Variants in NOTCH2 observed in about 807,000 individuals in gnomAD.
The protein encoded by NOTCH2 is neurogenic locus notch homolog protein 2.
In NOTCH2, 29 loss-of-function variants were observed where a neutral mutation model predicts 235.8. That is an observed-to-expected ratio of 0.12 (90% CI 0.09 to 0.17). The LOEUF is 0.17. Ranked by LOEUF, NOTCH2 falls within the 10% of genes least tolerant of loss-of-function variation. The pLI, the probability that NOTCH2 is intolerant of heterozygous loss-of-function variation, is 1.00. For missense variants in NOTCH2, 2,285 were observed against 3,150.2 expected (o/e 0.73, Z 6.57); for synonymous variants, 1,086 against 1,141.5 (o/e 0.95, Z 0.98).
intron 3 of NOTCH2, among the ~76,000 whole-genome samples, chr1:119,999,839 G>A (rs1468450117): frequency 1.6e-4 from 24 of 150,950 alleles, no homozygotes; most frequent in Admixed American, 3.3e-4. Context: ...CCGAGACTGC[G>A]CCACTGTACT....
intron 23 of NOTCH2, among the ~76,000 whole-genome samples, chr1:119,927,876 C>G (rs1056727197): frequency 6.6e-6 from 1 of 152,086 alleles, no homozygotes; most frequent in African/African-American, 2.4e-5. Context: ...CCATTCTTTA[C>G]AAAATTCCAA....
At chr1:119,921,628 CAGGACACTCTGGAGCTAA>C (rs1649287059) in intron 29 of NOTCH2, 67 bp downstream of exon 29, 3 of 1,105,230 alleles carry the variant, frequency 2.7e-6, no homozygotes, top group Non-Finnish European at 4.2e-6. Flanking sequence ...TACTCCCATT[CAGGACACTCTGGAGCTAA>C]AGGACAGAAA....
intron 33 of NOTCH2, 146 bp from the exon 34 acceptor site, chr1:119,916,840 G>T: frequency 1.2e-6 from 1 of 819,360 alleles, no homozygotes. Flanking sequence ...GATAGGCTGT[G>T]CCTCTACCAA....
At chr1:119,978,528 A>G (rs1261170903) in intron 5 of NOTCH2, among the ~76,000 whole-genome samples, 1 of 152,210 alleles carries the variant, frequency 6.6e-6, no homozygotes, top group Admixed American at 6.5e-5. Flanking sequence ...ATTGGCCACT[A>G]TAGCAATGAG....
In NOTCH2 at chr1:119,916,698, C is replaced by G. The variant is rs372465730; in HGVS notation, c.6028-4G>C. ...CAAGAAACAGAGGTGTCTCTTCCTACAGAAAAGGCCCATCACAGAACACAT... is the reference window on the plus strand; with the variant it reads ...CAAGAAACAGAGGTGTCTCTTCCTAGAGAAAAGGCCCATCACAGAACACAT... On this transcript the variant is annotated splice_polypyrimidine_tract_variant and splice_region_variant and intron_variant, in intron 33 of 33. Transcript: ENST00000256646. The G allele has an allele frequency of 6.2e-7, 1 of 1,613,954 alleles. No individual in the cohort carries two copies. Among genetic ancestry groups the G allele is most frequent in the Non-Finnish European group, 8.5e-7 (1 of 1,179,994 alleles).
intron 5 of NOTCH2, among the ~76,000 whole-genome samples, chr1:119,986,023 A>G (rs1652007064): frequency 6.6e-6 from 1 of 152,208 alleles, no homozygotes; most frequent in Non-Finnish European, 1.5e-5. Flanking sequence ...CTACAGCTCT[A>G]AAGAGTATTG....
Position 119,915,711 on chromosome 1 carries a change from G to A in NOTCH2, c.7011C>T (p.Pro2337=), listed in dbSNP as rs1649040784. Residue 2337 remains proline (P), a synonymous_variant, in exon 34 of 34, where the codon CCC becomes CCT. Coordinates refer to ENST00000256646, the MANE Select transcript of NOTCH2 (RefSeq NM_024408.4). ...CCATTTCTGGAATCTGGTACATGGTGGGCAGGGGGCCCGCAACAGCTGGAG... is the reference window on the plus strand; with the variant it reads ...CCATTTCTGGAATCTGGTACATGGTAGGCAGGGGGCCCGCAACAGCTGGAG... ...TCPPAVAGPL[P]TMYQIPEMAR... 1 of 1,609,860 alleles carries A rather than the reference G, an allele frequency of 6.2e-7. No homozygotes were observed.
intron 5 of NOTCH2, among the ~76,000 whole-genome samples, chr1:119,980,858 T>C (rs1280649582): frequency 6.6e-6 from 1 of 152,194 alleles, no homozygotes; most frequent in Non-Finnish European, 1.5e-5. Context: ...CTTCTAAGGC[T>C]GTACCCTTTA....
Position 119,914,600 on chromosome 1 carries a change from T to C in NOTCH2, c.*706A>G, listed in dbSNP as rs1443426106. On this transcript the variant is annotated 3_prime_UTR_variant, in exon 34 of 34. Coordinates refer to ENST00000256646, the MANE Select transcript of NOTCH2 (RefSeq NM_024408.4). The stretch of plus-strand genomic sequence containing the variant: ...TCTCCCCTTCTCTCTCCAGGAATGA[T>C]ATATGCAGGAGAACACAATACAGTA... 4.3e-6 allele frequency: 1 copy of C among 234,254 alleles called. No homozygotes were observed. The highest frequency in any genetic ancestry group is 8.4e-6 in the Non-Finnish European group (1 of 118,868). The allele number at this position is 234,254 out of a possible 1,614,324, so 14.5% of individuals were successfully genotyped here. A position where few individuals can be genotyped will look rare whatever the true frequency, so the allele number is the denominator to read the frequency against.
At chr1:120,041,890 G>A (rs1457260273) in intron 1 of NOTCH2, among the ~76,000 whole-genome samples, 1 of 122,586 alleles carries the variant, frequency 8.2e-6, no homozygotes. Flanking sequence ...AAGAAAAAAA[G>A]AAAAGAGAGA....
intron 5 of NOTCH2, among the ~76,000 whole-genome samples, chr1:119,980,910 CA>C (rs1236612331): frequency 6.6e-6 from 1 of 152,158 alleles, no homozygotes; most frequent in Non-Finnish European, 1.5e-5. Flanking sequence ...TCCCACCTCT[CA>C]AACCTCCCCT....
chr1:119,943,083 G>A (rs917273109), intron 17 of NOTCH2, among the ~76,000 whole-genome samples: 1 of 152,082 alleles, frequency 6.6e-6, no homozygotes, highest in Non-Finnish European at 1.5e-5. Flanking sequence ...ATGTGGCCAG[G>A]CTGGTCTTGA....
intron 10 of NOTCH2, among the ~76,000 whole-genome samples, 196 bp from the exon 11 acceptor site, chr1:119,964,003 T>G (rs1553199350): frequency 6.6e-6 from 1 of 152,180 alleles, no homozygotes. Flanking sequence ...AAATAAAGAT[T>G]TCCAAATCAA....
chr1:119,930,201 G>C (rs1216476310), intron 22 of NOTCH2, among the ~76,000 whole-genome samples: 1 of 152,086 alleles, frequency 6.6e-6, no homozygotes, highest in African/African-American at 2.4e-5. Flanking sequence ...AAAAATATTG[G>C]TAACAACTGG....
chr1:119,916,208 A>T lies in NOTCH2; in HGVS notation c.6514T>A (p.Ser2172Thr), dbSNP rs1462374639. 3.1e-6 allele frequency: 5 copies of T among 1,614,040 alleles called. No homozygotes were observed. The highest frequency in any genetic ancestry group is 1.6e-4 in the Middle Eastern group (1 of 6,084). ...SDTTSSPMIT[S>T]PGILQASPNP... The stretch of plus-strand genomic sequence containing the variant: ...GGTGAGGCCTGTAAGATCCCAGGGG[A>T]TGTAATCATTGGAGAGGATGTGGTG... The change falls in exon 34 of 34, where the codon TCC (serine) becomes ACC (threonine). Residue 2172 changes from serine to threonine, a missense_variant. Transcript: ENST00000256646.
intron 1 of NOTCH2, 117 bp from the exon 2 acceptor site, chr1:120,030,104 T>C (rs1463203911): frequency 3.2e-6 from 2 of 621,978 alleles, no homozygotes; most frequent in African/African-American, 3.7e-5. Flanking sequence ...GGGTTTCTTT[T>C]TAGAGTTTTA....
intron 4 of NOTCH2, chr1:119,994,507 T>TATTGTG (rs1557836948): frequency 1.5e-5 from 2 of 131,304 alleles, no homozygotes; most frequent in Non-Finnish European, 3.1e-5. Flanking sequence ...CTTTTAAACA[T>TATTGTG]CTGCACAATG....
chr1:119,948,333 G>A (rs1435638575), intron 17 of NOTCH2, 81 bp downstream of exon 17: 48 of 1,509,522 alleles, frequency 3.2e-5, no homozygotes, highest in African/African-American at 5.5e-5. Flanking sequence ...CGTGAAAGGC[G>A]GCAGCCTCCA....
At chr1:120,012,002 C>T (rs2604038) in intron 2 of NOTCH2, among the ~76,000 whole-genome samples, 5,595 of 133,558 alleles carry the variant, frequency 0.042, no homozygotes, top group African/African-American at 0.12. Flanking sequence ...GGCGACAGAG[C>T]GAGACTCCCT....
Sources: gnomAD v4.1 joint callset for allele counts (sites outside exome capture counted in the v4.1 genomes callset) on GRCh38, gnomAD v4.1.1 for gene constraint, MANE v1.5 for transcripts, NCBI Gene and HGNC (gene_info 2026-07-23, HGNC 2026-07-21) for gene names.